Variants in REPS2 observed in about 807,000 individuals in gnomAD.
REPS2 encodes the protein RALBP1 associated Eps domain containing 2, also known as ralBP1-associated Eps domain-containing protein 2.
Under a neutral mutation model 53.6 loss-of-function variants are expected in REPS2, and 23 were observed. The ratio of observed to expected loss-of-function variants is 0.43; its 90% CI spans 0.31 to 0.61. The LOEUF is 0.61. Among genes scored for constraint, REPS2 ranks in the 20% least tolerant of loss-of-function variants. REPS2 has a pLI of 0.11. For synonymous variants in REPS2, 238 were observed against 218.6 expected (o/e 1.09, Z -0.78); for missense variants, 446 against 534.9 (o/e 0.83, Z 1.64).
the REPS2 span, among the ~76,000 whole-genome samples, chrX:17,179,878 C>T: frequency 1.5e-3 from 165 of 111,971 alleles, no homozygotes; most frequent in Middle Eastern, 4.6e-3. Context: ...CTGTTTGTAC[C>T]TTAGACTGTG....
chrX:17,032,387 C>T (rs772206725), intron 5 of REPS2, among the ~76,000 whole-genome samples: 1 of 111,829 alleles, frequency 8.9e-6, no homozygotes, highest in East Asian at 2.8e-4. Context: ...AGCAACAGTC[C>T]GATTCTCTTA....
chrX:17,179,734 A>C, the REPS2 span, among the ~76,000 whole-genome samples: 2 of 111,899 alleles, frequency 1.8e-5, no homozygotes, highest in East Asian at 5.6e-4. Flanking sequence ...CCCACATTTC[A>C]GAATACATTT....
intron 1 of REPS2, among the ~76,000 whole-genome samples, chrX:16,970,629 G>A (rs1197958080): frequency 8.9e-6 from 1 of 111,889 alleles, no homozygotes; most frequent in African/African-American, 3.3e-5. Context: ...AACTATTTCC[G>A]GAATATTTTT....
the REPS2 span, among the ~76,000 whole-genome samples, chrX:17,185,960 ATCT>A: frequency 2.7e-5 from 3 of 111,627 alleles, no homozygotes; most frequent in South Asian, 3.8e-4. Context: ...GAAAAAAAAA[ATCT>A]TCTTAAATTG....
At chrX:16,988,739 G>T (rs2061123559) in intron 1 of REPS2, among the ~76,000 whole-genome samples, 1 of 111,457 alleles carries the variant, frequency 9.0e-6, no homozygotes, top group Non-Finnish European at 1.9e-5. Flanking sequence ...AGAAATACTT[G>T]GGTATAAATC....
chrX:17,182,377 A>G, the REPS2 span, among the ~76,000 whole-genome samples: 149 of 111,947 alleles, frequency 1.3e-3, no homozygotes, highest in Non-Finnish European at 1.9e-3. Context: ...TAAGGTTGCA[A>G]GATGAACAGC....
intron 13 of REPS2, among the ~76,000 whole-genome samples, chrX:17,083,070 C>G (rs2062478794): frequency 9.5e-6 from 1 of 105,696 alleles, no homozygotes; most frequent in Non-Finnish European, 1.9e-5. Flanking sequence ...CAGAAATGTT[C>G]CGAGCACTTT....
At chrX:17,159,592 G>C in the REPS2 span, among the ~76,000 whole-genome samples, 20 of 111,583 alleles carry the variant, frequency 1.8e-4, no homozygotes, top group East Asian at 5.4e-3. Flanking sequence ...CAAGTTATTT[G>C]CTTCTCTGTG....
chrX:17,077,454 C>T (rs771000188), intron 13 of REPS2, 47 bp downstream of exon 13: 3 of 1,130,170 alleles, frequency 2.7e-6, no homozygotes, highest in Admixed American at 2.8e-5. Flanking sequence ...CTGTTGGAGC[C>T]AGCGGATGTG....
At chrX:16,969,131 G>A (rs1366774964) in intron 1 of REPS2, among the ~76,000 whole-genome samples, 4 of 108,443 alleles carry the variant, frequency 3.7e-5, no homozygotes, top group Non-Finnish European at 7.7e-5. Context: ...GACGATGGGC[G>A]GCCGGGCAGA....
intron 1 of REPS2, among the ~76,000 whole-genome samples, chrX:16,977,297 G>A (rs2060966988): frequency 9.0e-6 from 1 of 111,232 alleles, no homozygotes; most frequent in Non-Finnish European, 1.9e-5. Context: ...ACTTCTGCCT[G>A]AGTATTAAGG....
the REPS2 span, among the ~76,000 whole-genome samples, chrX:17,159,165 G>A: frequency 9.0e-6 from 1 of 111,498 alleles, no homozygotes; most frequent in Non-Finnish European, 1.9e-5. Flanking sequence ...CACTTTGTTT[G>A]CTCTCTGACT....
chrX:17,052,875 G>T (rs1007205775), intron 7 of REPS2, among the ~76,000 whole-genome samples: 1 of 111,778 alleles, frequency 8.9e-6, no homozygotes, highest in African/African-American at 3.3e-5. Context: ...TTTGGAGTTA[G>T]GTTAGATTTG....
chrX:17,141,060 G>A (rs1250515372), intron 17 of REPS2, among the ~76,000 whole-genome samples: 2 of 111,768 alleles, frequency 1.8e-5, no homozygotes, highest in Non-Finnish European at 3.8e-5. Context: ...GTGAGCCACC[G>A]CGCCAGCGCA....
chrX:17,143,319 A>C (rs909042745), intron 17 of REPS2, among the ~76,000 whole-genome samples: 2 of 112,115 alleles, frequency 1.8e-5, no homozygotes, highest in East Asian at 5.6e-4. Flanking sequence ...TTAAATTTCA[A>C]AGTTCATTCT....
intron 1 of REPS2, among the ~76,000 whole-genome samples, chrX:17,000,506 C>T (rs1257910744): frequency 1.8e-5 from 2 of 111,500 alleles, no homozygotes; most frequent in African/African-American, 6.5e-5. Context: ...TACATGGCTA[C>T]TGAGGGTATC....
At chrX:17,196,161 A>C in the REPS2 span, among the ~76,000 whole-genome samples, 1 of 111,924 alleles carries the variant, frequency 8.9e-6, no homozygotes, top group South Asian at 3.8e-4. Flanking sequence ...AGGAGGAGGT[A>C]GATACAGCGT....
At chrX:17,041,443 C>G (rs776173196) in intron 5 of REPS2, among the ~76,000 whole-genome samples, 12 of 111,963 alleles carry the variant, frequency 1.1e-4, no homozygotes, top group Non-Finnish European at 2.1e-4. Flanking sequence ...CTTGATCTTT[C>G]TTTAGACAAA....
At chrX:17,181,271 G>A in the REPS2 span, among the ~76,000 whole-genome samples, 1 of 112,743 alleles carries the variant, frequency 8.9e-6, no homozygotes, top group South Asian at 3.7e-4. Context: ...AACATTTTCT[G>A]TCTCAGGCTA....
Sources: gnomAD v4.1 joint callset for allele counts (sites outside exome capture counted in the v4.1 genomes callset) on GRCh38, gnomAD v4.1.1 for gene constraint, MANE v1.5 for transcripts, NCBI Gene and HGNC (gene_info 2026-07-23, HGNC 2026-07-21) for gene names.